RFX2: variants seen among roughly 807,000 people sequenced by gnomAD.
The protein encoded by RFX2 is regulatory factor X2, also known as DNA-binding protein RFX2.
Under a neutral mutation model 87.8 loss-of-function variants are expected in RFX2, and 20 were observed. That is an observed-to-expected ratio of 0.23 (90% confidence interval 0.16 to 0.33). The LOEUF (loss-of-function observed/expected upper bound fraction) is 0.33. RFX2 is among the 10% of genes least tolerant of loss of function. RFX2 has a pLI of 1.00. For missense variants in RFX2, 767 were observed against 1,012.3 expected, an observed-to-expected ratio of 0.76 and a Z score of 3.29; for synonymous variants, 397 against 431.3, an observed-to-expected ratio of 0.92 and a Z score of 0.98.
chr19:6,001,726 A>G lies in RFX2; in HGVS notation c.1859+89T>C. The G allele has an allele frequency of 8.6e-7, 1 of 1,160,988 alleles. No individual in the cohort carries two copies. 71.9% of individuals were successfully genotyped at this position (1,160,988 alleles called of 1,614,324 possible). On this transcript the variant is annotated intron_variant, in intron 15 of 17. Transcript: ENST00000303657. The surrounding 1 kb of genome is among the most constrained non-coding windows in gnomAD (Gnocchi z 5.6). The stretch of plus-strand genomic sequence containing the variant: ...CTCTGCTGAGCCCTGTTTTGCTCTG[A>G]GCTCACCAGCCGAGCCCCCTACCCT...
At position 6,052,431 on chromosome 19, in the gene RFX2, C is replaced by T. The variant is rs995971166; in HGVS notation, c.-8-4927G>A. ...AAAGGAGGAAATAAACAATCATAAT[C>T]GGAGATTTTAAACATCCTTCATTCA... On this transcript the variant is annotated intron_variant, in intron 1 of 17. Transcript: ENST00000303657. Among the ~76,000 whole-genome samples, 9 of 152,176 alleles carry T rather than the reference C, an allele frequency of 5.9e-5. No individual in the cohort carries two copies. In the South Asian group the frequency reaches 8.3e-4, roughly 14 times the overall value.
Position 6,045,508 on chromosome 19 carries a change from C to T in RFX2, c.91-1226G>A, listed in dbSNP as rs1407301739. 3.3e-5 allele frequency among the ~76,000 whole-genome samples: 5 copies of T among 152,272 alleles called. No individual in the cohort carries two copies. The highest frequency in any genetic ancestry group is 1.9e-4 in the East Asian group (1 of 5,174). ...AATTAGGCCACAACTGCTGGCAGGG[C>T]GACGGCGTCTGATCCTCACCTCAGA... On this transcript the variant is annotated intron_variant, in intron 2 of 17. Coordinates refer to ENST00000303657, the MANE Select transcript of RFX2 (RefSeq NM_000635.4). This position sits in a 1 kb window ranked among gnomAD's most constrained non-coding sequence, Gnocchi z 5.2.
intron 7 of RFX2, among the ~76,000 whole-genome samples, chr19:6,015,477 A>G (rs910214607): frequency 6.6e-6 from 1 of 151,154 alleles, no homozygotes. Context: ...TGGATAAACC[A>G]GAGGCTACAT....
chr19:6,042,932 A>G (rs1257793637), intron 3 of RFX2, among the ~76,000 whole-genome samples: 2 of 152,216 alleles, frequency 1.3e-5, no homozygotes, highest in Non-Finnish European at 2.9e-5. Flanking sequence ...GGAGGGCCAC[A>G]GAAGTGGGCT....
intron 16 of RFX2, among the ~76,000 whole-genome samples, chr19:5,996,102 A>G (rs2086402660): frequency 6.6e-6 from 1 of 151,980 alleles, no homozygotes; most frequent in African/African-American, 2.4e-5. Flanking sequence ...CTGGCCACCG[A>G]CTCTTAGAGT....
rs1350404901 is a variant in RFX2 at position 6,007,969 on chromosome 19, C to T, written c.1134+137G>A. 3.8e-6 allele frequency: 3 copies of T among 799,540 alleles called. No homozygotes were observed. The highest frequency in any genetic ancestry group is 6.4e-6 in the Non-Finnish European group (3 of 468,852). 49.5% of individuals were successfully genotyped at this position (799,540 alleles called of 1,614,324 possible). The stretch of plus-strand genomic sequence containing the variant: ...GGCGATGGACATGGATGCGGAGGGG[C>T]TGCTGCTTCAGAGAGGATGCTTGTT... On this transcript the variant is annotated intron_variant, in intron 10 of 17. Coordinates refer to ENST00000303657, the MANE Select transcript of RFX2 (RefSeq NM_000635.4). The surrounding 1 kb of genome is among the most constrained non-coding windows in gnomAD (Gnocchi z 8.2).
chr19:6,015,108 G>A (rs537014501), intron 7 of RFX2, among the ~76,000 whole-genome samples: 27 of 152,210 alleles, frequency 1.8e-4, no homozygotes, highest in Admixed American at 1.4e-3. Context: ...AAGAGAAGGC[G>A]GGGTGGATTG....
intron 5 of RFX2, among the ~76,000 whole-genome samples, chr19:6,037,170 G>C (rs986042342): frequency 2.0e-5 from 3 of 152,028 alleles, no homozygotes; most frequent in African/African-American, 7.2e-5. Flanking sequence ...TGTAGTCCCA[G>C]CTACTCGGGA....
chr19:6,075,331 G>A (rs1358012151), intron 1 of RFX2, among the ~76,000 whole-genome samples: 3 of 152,150 alleles, frequency 2.0e-5, no homozygotes, highest in Non-Finnish European at 2.9e-5. Flanking sequence ...AGGCCACAGT[G>A]GAGTGTTTGG....
At position 6,047,462 on chromosome 19, in the gene RFX2, G is replaced by T; in HGVS notation, c.35C>A (p.Ala12Glu). 1 of 1,607,280 alleles carries T rather than the reference G, an allele frequency of 6.2e-7. No homozygotes were observed. Among genetic ancestry groups the T allele is most frequent in the South Asian group, 1.1e-5 (1 of 89,942 alleles). Residue 12 changes from alanine to glutamate, a missense_variant, in exon 2 of 18, where the codon GCG becomes GAG. Coordinates refer to ENST00000303657, the MANE Select transcript of RFX2 (RefSeq NM_000635.4). The surrounding 1 kb of genome is among the most constrained non-coding windows in gnomAD (Gnocchi z 4.2). Reference protein sequence around the residue: ...QNSEGGADSPASVALRPSAAA... With the variant: ...QNSEGGADSPESVALRPSAAA... ...CGCCGAGGGACGCAGAGCCACGGAC[G>T]CTGGCGAATCCGCTCCACCCTCGGA... is the stretch of plus-strand genomic sequence containing the variant.
chr19:6,002,082 C>T lies in RFX2; in HGVS notation c.1651-59G>A. On this transcript the variant is annotated intron_variant, in intron 14 of 17. Coordinates refer to ENST00000303657, the MANE Select transcript of RFX2 (RefSeq NM_000635.4). The surrounding 1 kb of genome is among the most constrained non-coding windows in gnomAD (Gnocchi z 6.7). ...TGGACCCCCAGCCACGGCAGCCCTC[C>T]CTGGACCTAGCCATGCTCAGGGCGG... The T allele has an allele frequency of 6.9e-7, 1 of 1,452,538 alleles. No individual in the cohort carries two copies. The highest frequency in any genetic ancestry group is 9.3e-7 in the Non-Finnish European group (1 of 1,075,526). 90.0% of individuals were successfully genotyped at this position (1,452,538 alleles called of 1,614,324 possible).
intron 5 of RFX2, among the ~76,000 whole-genome samples, chr19:6,032,204 C>T (rs1214390069): frequency 6.6e-6 from 1 of 152,134 alleles, no homozygotes; most frequent in African/African-American, 2.4e-5. Flanking sequence ...TCACTGCAAC[C>T]TCTGCCTCCC....
At chr19:6,079,651 G>C (rs1040301914) in intron 1 of RFX2, among the ~76,000 whole-genome samples, 7 of 152,264 alleles carry the variant, frequency 4.6e-5, no homozygotes, top group African/African-American at 1.7e-4. Flanking sequence ...ACTTTGGAAG[G>C]CTGAGGTGGG....
intron 1 of RFX2, among the ~76,000 whole-genome samples, chr19:6,080,295 C>T (rs941833184): frequency 4.0e-5 from 6 of 151,792 alleles, no homozygotes; most frequent in Non-Finnish European, 7.4e-5. Flanking sequence ...TGCTTTGTTG[C>T]CCAGGCTGGT....
intron 1 of RFX2, among the ~76,000 whole-genome samples, chr19:6,086,549 T>C (rs530102575): frequency 2.6e-5 from 4 of 152,368 alleles, no homozygotes; most frequent in African/African-American, 9.6e-5. Context: ...TGTGGTCTGC[T>C]GTTGACGGAA....
intron 1 of RFX2, among the ~76,000 whole-genome samples, chr19:6,107,964 G>A (rs890299632): frequency 6.6e-6 from 1 of 152,202 alleles, no homozygotes; most frequent in Non-Finnish European, 1.5e-5. Flanking sequence ...CAAAGATCAA[G>A]TGATTTCAAA....
At chr19:6,068,925 G>A (rs2087554179) in intron 1 of RFX2, among the ~76,000 whole-genome samples, 1 of 152,152 alleles carries the variant, frequency 6.6e-6, no homozygotes, top group South Asian at 2.1e-4. Flanking sequence ...GGGCAAGGGA[G>A]GGGGGCCTGG....
chr19:6,099,970 C>T (rs554685428), intron 1 of RFX2, among the ~76,000 whole-genome samples: 1 of 152,290 alleles, frequency 6.6e-6, no homozygotes, highest in East Asian at 1.9e-4. Flanking sequence ...CTACAGTGCA[C>T]AGAACAGTCT....
intron 6 of RFX2, among the ~76,000 whole-genome samples, chr19:6,025,721 T>C (rs1410668872): frequency 6.6e-6 from 1 of 152,090 alleles, no homozygotes; most frequent in Non-Finnish European, 1.5e-5. Flanking sequence ...GGATTCTAGA[T>C]TGGCTTCCCC....
Sources: gnomAD v4.1 joint callset for allele counts (sites outside exome capture counted in the v4.1 genomes callset) on GRCh38, gnomAD v4.1.1 for gene constraint, Gnocchi (gnomAD v3.1) non-coding constraint, MANE v1.5 for transcripts, NCBI Gene and HGNC (gene_info 2026-07-23, HGNC 2026-07-21) for gene names.